Variants in MAST2 observed in about 807,000 individuals in gnomAD.
MAST2 encodes the protein microtubule-associated serine/threonine-protein kinase 2.
A neutral mutation model predicts 147.4 loss-of-function variants in MAST2; 70 were observed. The observed-to-expected ratio is 0.47, with a 90% CI of 0.39 to 0.58. MAST2 has a LOEUF of 0.58. Ranked by LOEUF, MAST2 falls within the 20% of genes least tolerant of loss-of-function variation. The pLI, the probability that MAST2 is intolerant of heterozygous loss-of-function variation, is 0.00. For synonymous variants in MAST2, 869 were observed against 896.8 expected (o/e 0.97, Z 0.55); for missense variants, 2,080 against 2,302.3 (o/e 0.90, Z 1.98).
chr1:45,948,850 C>T (rs1028219438), intron 4 of MAST2, among the ~76,000 whole-genome samples: 8 of 150,982 alleles, frequency 5.3e-5, no homozygotes, highest in Non-Finnish European at 1.2e-4. Flanking sequence ...GGTGCTGGTA[C>T]AAAAACAGGG....
At chr1:45,979,678 A>G (rs1222423249) in intron 5 of MAST2, among the ~76,000 whole-genome samples, 1 of 152,160 alleles carries the variant, frequency 6.6e-6, no homozygotes, top group Non-Finnish European at 1.5e-5. Context: ...TTAAAAAATT[A>G]TCTGGCTTTT....
In MAST2 at chr1:45,818,486, A is replaced by G. The variant is rs370510818; in HGVS notation, c.178-5947A>G. On this transcript the variant is annotated intron_variant, in intron 1 of 28. Transcript: ENST00000361297. Reference sequence around the variant, plus strand: ...TAGAATAAGAGAAGATGACACTTCAAAATGATGATTATTTGATTTTCACTC... The same window carrying G: ...TAGAATAAGAGAAGATGACACTTCAGAATGATGATTATTTGATTTTCACTC... Among the ~76,000 whole-genome samples the G allele has an allele frequency of 5.3e-5, 8 of 152,348 alleles. No individual in the cohort carries two copies. The East Asian group carries it at 1.2e-3, about 22-fold the overall frequency.
rs139189643 is a variant in MAST2, at chr1:45,903,471, C to T, written c.500+21076C>T. Among the ~76,000 whole-genome samples the T allele has an allele frequency of 1.6e-3, 241 of 152,222 alleles. 4 individuals are homozygous for T. The East Asian group carries it at 0.043, about 27-fold the overall frequency. ...GTCTAAACACTGCTTTTGTTGTATT[C>T]TAGAGGTTTTGGTATGTTGTGTCTC... On this transcript the variant is annotated intron_variant, in intron 4 of 28. Transcript: ENST00000361297.
intron 4 of MAST2, among the ~76,000 whole-genome samples, chr1:45,918,104 A>T (rs1366258715): frequency 5.3e-5 from 8 of 152,232 alleles, no homozygotes; most frequent in Admixed American, 5.2e-4. Context: ...GTTAATGAGT[A>T]AATATGTAAC....
At chr1:45,987,344 G>A (rs1644667053) in intron 5 of MAST2, among the ~76,000 whole-genome samples, 1 of 151,962 alleles carries the variant, frequency 6.6e-6, no homozygotes, top group African/African-American at 2.4e-5. Flanking sequence ...TTTTGAGACA[G>A]GGTCTGTCAC....
intron 4 of MAST2, among the ~76,000 whole-genome samples, chr1:45,911,309 A>G (rs1651616231): frequency 6.6e-6 from 1 of 152,252 alleles, no homozygotes; most frequent in African/African-American, 2.4e-5. Context: ...TTCTTTGGTC[A>G]GATAAAGGAT....
At chr1:45,882,191 C>CAA (rs869149432) in intron 3 of MAST2, among the ~76,000 whole-genome samples, 173 bp from the exon 4 acceptor site, 2 of 67,706 alleles carry the variant, frequency 3.0e-5, no homozygotes, top group Non-Finnish European at 6.6e-5. Flanking sequence ...GACTCCGTCT[C>CAA]AAAAAAAAAA....
intron 5 of MAST2, among the ~76,000 whole-genome samples, chr1:45,978,052 A>G (rs1169372653): frequency 1.3e-5 from 2 of 151,950 alleles, no homozygotes; most frequent in Non-Finnish European, 2.9e-5. Context: ...CCTATCTCTT[A>G]TATTTAAAAA....
chr1:45,905,765 G>A (rs1045600119), intron 4 of MAST2, among the ~76,000 whole-genome samples: 3 of 141,994 alleles, frequency 2.1e-5, no homozygotes, highest in Admixed American at 7.1e-5. Flanking sequence ...GACAGAGCAA[G>A]ACTCTGTCTC....
intron 15 of MAST2, 68 bp downstream of exon 15, chr1:46,024,048 C>G: frequency 2.0e-6 from 3 of 1,486,942 alleles, no homozygotes; most frequent in Non-Finnish European, 2.8e-6. Context: ...TAAACAGGGA[C>G]CAGCAGCTTT....
At chr1:46,004,320 C>T (rs1016439242) in intron 7 of MAST2, among the ~76,000 whole-genome samples, 8 of 144,998 alleles carry the variant, frequency 5.5e-5, no homozygotes, top group Non-Finnish European at 1.0e-4. Context: ...GCCGAGATCA[C>T]ACCACTGCAC....
intron 18 of MAST2, chr1:46,029,183 G>C (rs1571277182): frequency 1.8e-6 from 1 of 553,030 alleles, no homozygotes; most frequent in Non-Finnish European, 3.2e-6. Context: ...GTTCCTGTCT[G>C]TGTATGTGCA....
chr1:46,019,020 G>A (rs79772105), intron 10 of MAST2, among the ~76,000 whole-genome samples: 1,572 of 152,126 alleles, frequency 0.01, 19 homozygotes, highest in East Asian at 0.034. Flanking sequence ...GCCTTCTGTC[G>A]TGCTTCTTTC....
intron 5 of MAST2, among the ~76,000 whole-genome samples, chr1:45,963,004 C>T (rs1660657801): frequency 6.6e-6 from 1 of 152,190 alleles, no homozygotes; most frequent in African/African-American, 2.4e-5. Flanking sequence ...TTCCCAGCAC[C>T]ATTTGTTAAA....
intron 4 of MAST2, among the ~76,000 whole-genome samples, chr1:45,937,785 A>G (rs10127690): frequency 0.34 from 47,620 of 141,490 alleles, 8,697 homozygotes; most frequent in African/African-American, 0.43. Context: ...AAAAAAAATT[A>G]CCCATTGTAA....
rs760251542 is a variant in MAST2 at position 46,027,730 on chromosome 1, GCCT to G, written c.1923_1925del (p.Leu642del). ...TTAATTTTATTTCTTCGTTCTTCCA[GCCT>G]CCTAATTACATCCATGGGGCACATC... On this transcript the variant is annotated inframe_deletion and splice_region_variant, in exon 17 of 29. Transcript: ENST00000361297. The G allele has an allele frequency of 1.2e-6, 2 of 1,603,272 alleles. No individual in the cohort carries two copies. The highest frequency in any genetic ancestry group is 1.7e-6 in the Non-Finnish European group (2 of 1,176,084).
At chr1:45,948,007 C>A (rs553184078) in intron 4 of MAST2, among the ~76,000 whole-genome samples, 2 of 152,190 alleles carry the variant, frequency 1.3e-5, no homozygotes, top group African/African-American at 4.8e-5. Flanking sequence ...TGAGCCACTG[C>A]GCCTGGCCCC....
At chr1:46,034,509 TC>T in intron 28 of MAST2, 28 bp from the exon 29 acceptor site, 1 of 1,556,188 alleles carries the variant, frequency 6.4e-7, no homozygotes, top group Non-Finnish European at 8.8e-7. Context: ...TCTGCTTTTG[TC>T]TGTCTGTCTG....
At chr1:45,901,803 A>G (rs938689679) in intron 4 of MAST2, among the ~76,000 whole-genome samples, 5 of 152,122 alleles carry the variant, frequency 3.3e-5, no homozygotes, top group African/African-American at 7.2e-5. Flanking sequence ...GTATATAGAA[A>G]TGCAACTGAT....
Sources: gnomAD v4.1 joint callset for allele counts (sites outside exome capture counted in the v4.1 genomes callset) on GRCh38, gnomAD v4.1.1 for gene constraint, MANE v1.5 for transcripts, NCBI Gene and HGNC (gene_info 2026-07-23, HGNC 2026-07-21) for gene names.